Variants in IL7 observed in about 807,000 individuals in gnomAD.
IL7 encodes interleukin 7, also known as interleukin-7.
In IL7, 3 loss-of-function variants were observed where a neutral mutation model predicts 21.6. The ratio of observed to expected loss-of-function variants is 0.14; its 90% CI spans 0.06 to 0.36. IL7 has a LOEUF of 0.36. Ranked by LOEUF, IL7 falls within the 10% of genes least tolerant of loss-of-function variation. IL7 has a pLI of 1.00. For synonymous variants in IL7, 62 were observed against 68.1 expected (o/e 0.91, Z 0.44); for missense variants, 175 against 200.2 (o/e 0.87, Z 0.76).
chr8:78,746,748 T>C (rs181504571), intron 2 of IL7: 23 of 298,424 alleles, frequency 7.7e-5, no homozygotes, highest in African/African-American at 4.4e-4. Context: ...CATATTACTG[T>C]ATGCCTTTCT....
intron 3 of IL7, 138 bp from the exon 4 acceptor site, chr8:78,738,773 TC>T: frequency 1.4e-6 from 1 of 693,260 alleles, no homozygotes; most frequent in Non-Finnish European, 2.3e-6. Context: ...TTCCAGTTAA[TC>T]ATGTGATTGA....
chr8:78,761,230 T>G (rs1173931028), intron 2 of IL7: 1 of 1,599,558 alleles, frequency 6.3e-7, no homozygotes, highest in Non-Finnish European at 8.5e-7. Flanking sequence ...TGTCAAGTTC[T>G]AAAAGCAGTT....
chr8:78,795,982 G>A (rs1813840097), intron 2 of IL7, among the ~76,000 whole-genome samples: 1 of 151,938 alleles, frequency 6.6e-6, no homozygotes. Context: ...TAAAAGTCGG[G>A]GGACAGATTA....
At chr8:78,787,020 C>T (rs1316439349) in intron 2 of IL7, among the ~76,000 whole-genome samples, 1 of 152,224 alleles carries the variant, frequency 6.6e-6, no homozygotes, top group Non-Finnish European at 1.5e-5. Flanking sequence ...TGGAGGGTGG[C>T]ATGCCCAGAG....
At chr8:78,801,731 T>A (rs1310803813) in intron 1 of IL7, among the ~76,000 whole-genome samples, 4 of 152,208 alleles carry the variant, frequency 2.6e-5, no homozygotes, top group Non-Finnish European at 4.4e-5. Context: ...ATTCTAAGAA[T>A]CTACCTGGTC....
intron 3 of IL7, among the ~76,000 whole-genome samples, chr8:78,708,582 A>C (rs972418115): frequency 6.6e-6 from 1 of 152,042 alleles, no homozygotes; most frequent in Admixed American, 6.5e-5. Context: ...CAATCAAATC[A>C]ATTTCTAGGT....
downstream of IL7, among the ~76,000 whole-genome samples, chr8:78,714,114 A>G (rs529452597): frequency 6.6e-6 from 1 of 152,238 alleles, no homozygotes; most frequent in Admixed American, 6.5e-5. Context: ...AACACTGTTC[A>G]CCTGTGAAAT....
intron 2 of IL7, among the ~76,000 whole-genome samples, chr8:78,782,487 T>C (rs1279230298): frequency 2.0e-5 from 3 of 152,132 alleles, no homozygotes; most frequent in African/African-American, 4.8e-5. Context: ...CTCCTGTCAG[T>C]TGCTGGGGGT....
chr8:78,762,583 G>A (rs1812611660), intron 2 of IL7, among the ~76,000 whole-genome samples: 3 of 151,728 alleles, frequency 2.0e-5, no homozygotes, highest in Non-Finnish European at 2.9e-5. Context: ...AGAAGCCGCC[G>A]GGTTCTTTTT....
At chr8:78,712,626 C>G (rs939528791) in intron 3 of IL7, among the ~76,000 whole-genome samples, 3 of 152,074 alleles carry the variant, frequency 2.0e-5, no homozygotes, top group Non-Finnish European at 4.4e-5. Flanking sequence ...AAAAGTATGA[C>G]ACTGCCAAAG....
At chr8:78,800,805 G>A (rs546583083) in intron 1 of IL7, among the ~76,000 whole-genome samples, 1 of 152,288 alleles carries the variant, frequency 6.6e-6, no homozygotes, top group Non-Finnish European at 1.5e-5. Context: ...CATATAACTT[G>A]AAATGAGCTT....
At chr8:78,759,859 T>G in intron 2 of IL7, among the ~76,000 whole-genome samples, 1 of 152,166 alleles carries the variant, frequency 6.6e-6, no homozygotes, top group African/African-American at 2.4e-5. Flanking sequence ...TGATAATAAA[T>G]GCTATGTCTA....
At chr8:78,773,110 G>A (rs1167421993) in intron 2 of IL7, among the ~76,000 whole-genome samples, 1 of 152,116 alleles carries the variant, frequency 6.6e-6, no homozygotes, top group East Asian at 1.9e-4. Context: ...TTCTAGTTCA[G>A]GTGGCTGGAG....
intron 2 of IL7, among the ~76,000 whole-genome samples, chr8:78,740,666 T>C (rs1439598568): frequency 1.3e-5 from 2 of 152,236 alleles, no homozygotes; most frequent in Admixed American, 6.5e-5. Context: ...TCACAACTAA[T>C]TAATTGGATG....
chr8:78,735,562 AC>A (rs1288128173), intron 5 of IL7, among the ~76,000 whole-genome samples: 1 of 151,342 alleles, frequency 6.6e-6, no homozygotes, highest in Non-Finnish European at 1.5e-5. Context: ...CCCACCTCGG[AC>A]CCCCAAAGTG....
In IL7 at chr8:78,677,498, A is replaced by T. The variant is rs116162196; in HGVS notation, n.274-1394T>A. On this transcript the variant is annotated intron_variant and non_coding_transcript_variant, in intron 4 of 4. Transcript: ENST00000523959. The stretch of plus-strand genomic sequence containing the variant: ...CACAAATCAGACCACCTGTCCTATT[A>T]TTTTGTGTTAACTTTATATTAGCAT... Among the ~76,000 whole-genome samples, 214 of 152,310 alleles carry T rather than the reference A, an allele frequency of 1.4e-3. 2 individuals are homozygous for T. The highest frequency in any genetic ancestry group is 4.9e-3 in the African/African-American group (202 of 41,588).
rs545337934 is a variant in IL7, at chr8:78,763,550, C to T, written c.148-23468G>A. 2.6e-5 allele frequency among the ~76,000 whole-genome samples: 4 copies of T among 152,238 alleles called. No homozygotes were observed. The South Asian group carries it at 8.3e-4, about 32-fold the overall frequency. On this transcript the variant is annotated intron_variant, in intron 2 of 5. Transcript: ENST00000263851. ...TAATAAACAAATATTATGAGCAACT[C>T]TAAATCCACAAATTTGATAACCTAT...
chr8:78,743,787 G>A (rs1481316163), intron 2 of IL7, among the ~76,000 whole-genome samples: 4 of 151,894 alleles, frequency 2.6e-5, no homozygotes, highest in South Asian at 2.1e-4. Context: ...AATGTTCGAC[G>A]TTGCCTACCT....
At chr8:78,778,581 A>G (rs1024986793) in intron 2 of IL7, among the ~76,000 whole-genome samples, 13 of 152,006 alleles carry the variant, frequency 8.6e-5, no homozygotes, top group African/African-American at 2.9e-4. Flanking sequence ...TGAGGTCTCT[A>G]TTCTTTTCCA....
Sources: gnomAD v4.1 joint callset for allele counts (sites outside exome capture counted in the v4.1 genomes callset) on GRCh38, gnomAD v4.1.1 for gene constraint, MANE v1.5 for transcripts, NCBI Gene and HGNC (gene_info 2026-07-23, HGNC 2026-07-21) for gene names.